Variants in NTHL1 observed in about 807,000 individuals in gnomAD.
NTHL1 encodes endonuclease III-like protein 1.
NTHL1 carries 32 observed loss-of-function variants against 32.3 expected under a neutral mutation model. The observed-to-expected ratio is 0.99, with a 90% CI of 0.75 to 1.33. The LOEUF (loss-of-function observed/expected upper bound fraction) is 1.33. Among genes scored for constraint, NTHL1 ranks in the 40% most tolerant of loss-of-function variants. NTHL1 has a pLI of 0.00. For missense variants in NTHL1, 501 were observed against 414.1 expected (o/e 1.21, Z -1.82); for synonymous variants, 188 against 176.9 (o/e 1.06, Z -0.50).
chr16:2,039,979 G>C lies in NTHL1; in HGVS notation c.860C>G (p.Pro287Arg), dbSNP rs754220493. Residue 287 changes from proline to arginine, a missense_variant, in exon 6 of 6, where the codon CCT becomes CGT. Coordinates refer to ENST00000651570, the MANE Select transcript of NTHL1 (RefSeq NM_002528.7). ...FGQQTCLPVH[P>R]RCHACLNQAL... ...TTGGTTGAGGCAGGCGTGGCAGCGAGGGTGCACAGGCAGACAGGTCTGCTG... is the reference window on the plus strand; with the variant it reads ...TTGGTTGAGGCAGGCGTGGCAGCGACGGTGCACAGGCAGACAGGTCTGCTG... The C allele has an allele frequency of 1.2e-6, 2 of 1,609,762 alleles. No homozygotes were observed. Among genetic ancestry groups the C allele is most frequent in the Admixed American group, 3.3e-5 (2 of 60,032 alleles).
rs891039223 is a variant in NTHL1, at chr16:2,044,857, C to T, written c.355-57G>A. 2 of 1,511,760 alleles carry T rather than the reference C, an allele frequency of 1.3e-6. No individual in the cohort carries two copies. The highest frequency in any genetic ancestry group is 2.0e-5 in the Admixed American group (1 of 50,164). 93.6% of individuals were successfully genotyped at this position (1,511,760 alleles called of 1,614,324 possible). ...GGCGGGTCCTGGGTGATTCCCTGGC[C>T]AGGCTCCGCCCCCCGCCCTCGACAC... is the stretch of plus-strand genomic sequence containing the variant. On this transcript the variant is annotated intron_variant, in intron 2 of 5. Transcript: ENST00000651570. This position sits in a 1 kb window ranked among gnomAD's most constrained non-coding sequence, Gnocchi z 5.0.
In NTHL1 at chr16:2,044,498, G is replaced by A; in HGVS notation, c.525+132C>T. ...GCCTCAGGGCCCCACGGCCTGGGGG[G>A]GGCTTCAGGGGGACCCCCCGAGCCT... On this transcript the variant is annotated intron_variant, in intron 3 of 5. Coordinates refer to ENST00000651570, the MANE Select transcript of NTHL1 (RefSeq NM_002528.7). This position sits in a 1 kb window ranked among gnomAD's most constrained non-coding sequence, Gnocchi z 5.0. 1.7e-6 allele frequency: 2 copies of A among 1,174,866 alleles called. No individual in the cohort carries two copies. Among genetic ancestry groups the A allele is most frequent in the South Asian group, 1.3e-5 (1 of 77,830 alleles). 72.8% of individuals were successfully genotyped at this position (1,174,866 alleles called of 1,614,324 possible).
chr16:2,047,750 C>G lies in NTHL1; in HGVS notation c.74G>C (p.Arg25Thr). Reference protein sequence around the residue: ...LGPGAGPRGCREEPGPLRRRE... With the variant: ...LGPGAGPRGCTEEPGPLRRRE... ...TCTCCGGAGAGGCCCGGGCTCCTCC[C>G]TACACCCCCGCGGCCCAGCCCCGGG... The change falls in exon 1 of 6, where the codon AGG (arginine) becomes ACG (threonine). Residue 25 changes from arginine (R) to threonine (T), a missense_variant. Physicochemically the swap from Arg to Thr is moderately conservative, Grantham distance 71. Transcript: ENST00000651570. 6.3e-7 allele frequency: 1 copy of G among 1,586,744 alleles called. No homozygotes were observed. The highest frequency in any genetic ancestry group is 8.5e-7 in the Non-Finnish European group (1 of 1,172,394).
In NTHL1 at chr16:2,043,711, T is replaced by A; in HGVS notation, c.541A>T (p.Ile181Phe). The A allele has an allele frequency of 6.2e-7, 1 of 1,611,960 alleles. No homozygotes were observed. The highest frequency in any genetic ancestry group is 8.5e-7 in the Non-Finnish European group (1 of 1,179,948). The change falls in exon 4 of 6, where the codon ATC (isoleucine) becomes TTC (phenylalanine). Residue 181 changes from isoleucine (I) to phenylalanine (F), a missense_variant. Physicochemically the swap from Ile to Phe is conservative, Grantham distance 21 (BLOSUM62 0). Transcript: ENST00000651570. The surrounding 1 kb of genome is among the most constrained non-coding windows in gnomAD (Gnocchi z 4.4). ...TGCAGGATGGCGCTGGTCTGCTTGA[T>A]GTATTTCACCTTGCTCTGAAAGACA... ...VGFWRSKVKY[I>F]KQTSAILQQH...
chr16:2,040,120 C>A lies in NTHL1; in HGVS notation c.791+13G>T, dbSNP rs773931134. On this transcript the variant is annotated intron_variant, in intron 5 of 5. Coordinates refer to ENST00000651570, the MANE Select transcript of NTHL1 (RefSeq NM_002528.7). ...GAGCTCTTCTCCCTAGGAAGCCCCC[C>A]ACATACTCATACCTAGGCAGCCACT... 1 of 1,613,354 alleles carries A rather than the reference C, an allele frequency of 6.2e-7. No individual in the cohort carries two copies. Among genetic ancestry groups the A allele is most frequent in the Non-Finnish European group, 8.5e-7 (1 of 1,179,936 alleles).
Position 2,044,322 on chromosome 16 carries a change from C to T in NTHL1, c.525+308G>A, listed in dbSNP as rs987580264. ...CTCTGGACAGGAGGGGGTGACACAC[C>T]GGGAGAGGCTAGCAGTAAACAAAGG... On this transcript the variant is annotated intron_variant, in intron 3 of 5. Transcript: ENST00000651570. The surrounding 1 kb of genome is among the most constrained non-coding windows in gnomAD (Gnocchi z 5.0). Among the ~76,000 whole-genome samples, 9 of 152,084 alleles carry T rather than the reference C, an allele frequency of 5.9e-5. No individual in the cohort carries two copies. Among genetic ancestry groups the T allele is most frequent in the African/African-American group, 1.4e-4 (6 of 41,408 alleles).
rs1308474938 is a variant in NTHL1, at chr16:2,040,229, G to A, written c.695C>T (p.Thr232Met). The change falls in exon 5 of 6, where the codon ACG becomes ATG. Residue 232 changes from threonine (T) to methionine (M), a missense_variant. Transcript: ENST00000651570. The stretch of plus-strand genomic sequence containing the variant: ...CCTGTTGGCGATTCTGTGCACATGC[G>A]TGTCCACTGCTGCTGGGAGGCCAAG... ...WGTVSGIAVDTHVHRIANRLR... is the reference protein window; with the variant it reads ...WGTVSGIAVDMHVHRIANRLR... 7 of 1,613,402 alleles carry A rather than the reference G, an allele frequency of 4.3e-6. No individual in the cohort carries two copies. The highest frequency in any genetic ancestry group is 4.0e-5 in the African/African-American group (3 of 74,938).
At position 2,047,798 on chromosome 16, in the gene NTHL1, A is replaced by T; in HGVS notation, c.26T>A (p.Leu9Gln). 6.3e-7 allele frequency: 1 copy of T among 1,592,254 alleles called. No individual in the cohort carries two copies. The highest frequency in any genetic ancestry group is 8.5e-7 in the Non-Finnish European group (1 of 1,174,486). ...GGGTCCCAGGCTCCGGCTCCGGGTC[A>T]GCATCCTCGCGCTCAAGGCGGTCAT... MTALSARMLTRSRSLGPGA... is the reference protein window; with the variant it reads MTALSARMQTRSRSLGPGA... The change falls in exon 1 of 6, where the codon CTG (leucine) becomes CAG (glutamine). Residue 9 changes from leucine (L) to glutamine (Q), a missense_variant. Transcript: ENST00000651570.
intron 4 of NTHL1, among the ~76,000 whole-genome samples, chr16:2,042,780 C>A (rs1376626690): frequency 7.5e-6 from 1 of 133,606 alleles, no homozygotes; most frequent in Non-Finnish European, 1.6e-5. Context: ...CCAGTGCCTC[C>A]CTCCCCACCC....
intron 2 of NTHL1, among the ~76,000 whole-genome samples, chr16:2,045,241 G>A (rs2084328466): frequency 6.6e-6 from 1 of 151,996 alleles, no homozygotes; most frequent in South Asian, 2.1e-4. Context: ...GGAGGCCGAG[G>A]CAGGAGAATA....
In NTHL1 at chr16:2,043,469, G is replaced by A; in HGVS notation, c.685+98C>T. 6.6e-7 allele frequency: 1 copy of A among 1,517,334 alleles called. No homozygotes were observed. The highest frequency in any genetic ancestry group is 9.0e-7 in the Non-Finnish European group (1 of 1,114,284). 94.0% of individuals were successfully genotyped at this position (1,517,334 alleles called of 1,614,324 possible). ...TTTCTGACTCTATGGGCTGGGTGGAGGACCAGCATGCTGGAAGTGGAGTCA... is the reference window on the plus strand; with the variant it reads ...TTTCTGACTCTATGGGCTGGGTGGAAGACCAGCATGCTGGAAGTGGAGTCA... On this transcript the variant is annotated intron_variant, in intron 4 of 5. Coordinates refer to ENST00000651570, the MANE Select transcript of NTHL1 (RefSeq NM_002528.7). This position sits in a 1 kb window ranked among gnomAD's most constrained non-coding sequence, Gnocchi z 4.4.
chr16:2,040,368 G>A (rs566618821), intron 4 of NTHL1, 130 bp from the exon 5 acceptor site: 1 of 853,314 alleles, frequency 1.2e-6, no homozygotes, highest in Non-Finnish European at 2.0e-6. Flanking sequence ...GCAAAGCCCT[G>A]GCTGCAAGCC....
At chr16:2,042,365 G>A (rs961879571) in intron 4 of NTHL1, among the ~76,000 whole-genome samples, 3 of 152,216 alleles carry the variant, frequency 2.0e-5, no homozygotes, top group African/African-American at 7.2e-5. Context: ...GTCGGGAGGA[G>A]GCCCTGCCCC....
At position 2,042,685 on chromosome 16, in the gene NTHL1, C is replaced by T. The variant is rs1320824329; in HGVS notation, c.685+882G>A. On this transcript the variant is annotated intron_variant, in intron 4 of 5. Transcript: ENST00000651570. ...GCAGCCCCACCCCAAACCCAGGGGTCTGTCTGCACCCAACTGCCAAGAAGC... is the reference window on the plus strand; with the variant it reads ...GCAGCCCCACCCCAAACCCAGGGGTTTGTCTGCACCCAACTGCCAAGAAGC... Among the ~76,000 whole-genome samples, 4 of 152,236 alleles carry T rather than the reference C, an allele frequency of 2.6e-5. No homozygotes were observed. The East Asian group carries it at 7.7e-4, about 29-fold the overall frequency.
chr16:2,045,745 C>G (rs2084340517), intron 2 of NTHL1, among the ~76,000 whole-genome samples: 1 of 152,250 alleles, frequency 6.6e-6, no homozygotes, highest in Non-Finnish European at 1.5e-5. Flanking sequence ...CCCATACTAC[C>G]CATTTTACAG....
intron 4 of NTHL1, among the ~76,000 whole-genome samples, chr16:2,041,670 C>T (rs1215812223): frequency 2.0e-5 from 3 of 151,556 alleles, no homozygotes; most frequent in East Asian, 1.9e-4. Flanking sequence ...TACACTGGCG[C>T]GATCTCAGCT....
In NTHL1 at chr16:2,044,049, C is replaced by A; in HGVS notation, c.526-323G>T. The A allele has an allele frequency of 2.4e-6, 1 of 423,710 alleles. No homozygotes were observed. The highest frequency in any genetic ancestry group is 2.4e-5 in the South Asian group (1 of 41,710). 26.2% of individuals were successfully genotyped at this position (423,710 alleles called of 1,614,324 possible). A position where few individuals can be genotyped will look rare whatever the true frequency, so the allele number is the denominator to read the frequency against. Reference sequence around the variant, plus strand: ...CTCCCAGGAGTGGGGCTTGGCTGCACCTGCGCCTTCAGGAAGGAGGGCTGG... The same window carrying A: ...CTCCCAGGAGTGGGGCTTGGCTGCAACTGCGCCTTCAGGAAGGAGGGCTGG... On this transcript the variant is annotated intron_variant, in intron 3 of 5. Transcript: ENST00000651570. The surrounding 1 kb of genome is among the most constrained non-coding windows in gnomAD (Gnocchi z 5.0).
In NTHL1 at chr16:2,044,575, G is replaced by C. The variant is rs2084315156; in HGVS notation, c.525+55C>G. On this transcript the variant is annotated intron_variant, in intron 3 of 5. Coordinates refer to ENST00000651570, the MANE Select transcript of NTHL1 (RefSeq NM_002528.7). This position sits in a 1 kb window ranked among gnomAD's most constrained non-coding sequence, Gnocchi z 5.0. Reference sequence around the variant, plus strand: ...CCGTCGCCACCCCCCTCAGCCTTCTGAGGTCTCTCTCAGGCCACTGCCACC... The same window carrying C: ...CCGTCGCCACCCCCCTCAGCCTTCTCAGGTCTCTCTCAGGCCACTGCCACC... 19 of 1,594,548 alleles carry C rather than the reference G, an allele frequency of 1.2e-5. No homozygotes were observed. In the Middle Eastern group the frequency reaches 6.6e-4, roughly 56 times the overall value.
At position 2,044,570 on chromosome 16, in the gene NTHL1, C is replaced by T. The variant is rs1596220182; in HGVS notation, c.525+60G>A. The T allele has an allele frequency of 2.5e-6, 4 of 1,590,604 alleles. No individual in the cohort carries two copies. Among genetic ancestry groups the T allele is most frequent in the Non-Finnish European group, 3.4e-6 (4 of 1,174,248 alleles). ...CTGCACCGTCGCCACCCCCCTCAGC[C>T]TTCTGAGGTCTCTCTCAGGCCACTG... On this transcript the variant is annotated intron_variant, in intron 3 of 5. Transcript: ENST00000651570. This position sits in a 1 kb window ranked among gnomAD's most constrained non-coding sequence, Gnocchi z 5.0.
Sources: allele counts gnomAD v4.1 joint callset (sites outside exome capture counted in the v4.1 genomes callset), GRCh38; gene constraint gnomAD v4.1.1; non-coding constraint Gnocchi (gnomAD v3.1); transcripts MANE v1.5; gene names NCBI Gene and HGNC (gene_info 2026-07-23, HGNC 2026-07-21).